The following PTPRQ variants were observed in gnomAD, a reference collection of about 807,000 sequenced individuals.
PTPRQ encodes phosphatidylinositol phosphatase PTPRQ.
In PTPRQ, 199 loss-of-function variants were observed where a neutral mutation model predicts 246.0. The ratio of observed to expected loss-of-function variants is 0.81; its 90% CI spans 0.72 to 0.91. The LOEUF (loss-of-function observed/expected upper bound fraction) is 0.91, where lower values mean the gene tolerates loss of function less well. Among genes scored for constraint, PTPRQ ranks in the 40% least tolerant of loss-of-function variants. The pLI, the probability that PTPRQ is intolerant of heterozygous loss-of-function variation, is 0.00. For synonymous variants in PTPRQ, 869 were observed against 853.2 expected (o/e 1.02, Z -0.32); for missense variants, 2,624 against 2,528.4 (o/e 1.04, Z -0.81).
intron 25 of PTPRQ, among the ~76,000 whole-genome samples, chr12:80,556,765 G>GTAGT (rs1385750454): frequency 6.6e-6 from 1 of 152,162 alleles, no homozygotes; most frequent in Admixed American, 6.5e-5. Flanking sequence ...AGTGAGAATA[G>GTAGT]TAGTTAGAGG....
Position 80,554,077 on chromosome 12 carries a change from C to G in PTPRQ, c.4285+4343C>G, listed in dbSNP as rs1399236951. 3.7e-5 allele frequency among the ~76,000 whole-genome samples: 5 copies of G among 133,582 alleles called. No individual in the cohort carries two copies. In the East Asian group the frequency reaches 6.3e-4, roughly 17 times the overall value. 87.6% of individuals were successfully genotyped at this position (133,582 alleles called of 152,430 possible). On this transcript the variant is annotated intron_variant, in intron 25 of 44. Coordinates refer to ENST00000644991, the MANE Select transcript of PTPRQ (RefSeq NM_001145026.2). ...CAGAGCCTGGAAAAGGTAGGAGGGG[C>G]AGGGGGGGTAGGAAAAGCGGGGATG...
At chr12:80,581,384 C>G (rs1897430388) in intron 25 of PTPRQ, among the ~76,000 whole-genome samples, 1 of 152,120 alleles carries the variant, frequency 6.6e-6, no homozygotes, top group African/African-American at 2.4e-5. Flanking sequence ...GCTTGTGATC[C>G]TAGCACTTTG....
rs1350259280 is a variant in PTPRQ at position 80,484,385 on chromosome 12, A to G, written c.1187-48A>G. The G allele has an allele frequency of 1.1e-5, 16 of 1,418,518 alleles. No homozygotes were observed. The Admixed American group carries it at 1.3e-4, about 12-fold the overall frequency. The allele number at this position is 1,418,518 out of a possible 1,614,324, so 87.9% of individuals were successfully genotyped here. ...TTAGGCACTTTTTTCACTTGAAAAA[A>G]TATTTTTAATTTCCCCCTTTTCTTT... On this transcript the variant is annotated intron_variant, in intron 8 of 44. Coordinates refer to ENST00000644991, the MANE Select transcript of PTPRQ (RefSeq NM_001145026.2).
intron 9 of PTPRQ, among the ~76,000 whole-genome samples, chr12:80,493,040 A>C (rs1894498013): frequency 6.6e-6 from 1 of 151,990 alleles, no homozygotes; most frequent in Non-Finnish European, 1.5e-5. Context: ...GTTTCTTCCC[A>C]AAATACAGTA....
chr12:80,647,996 C>A (rs1293377297), intron 35 of PTPRQ, among the ~76,000 whole-genome samples: 3 of 152,104 alleles, frequency 2.0e-5, no homozygotes, highest in Non-Finnish European at 4.4e-5. Flanking sequence ...AATATACTTC[C>A]TTTTAAATCC....
chr12:80,584,626 C>T (rs1336463472), intron 25 of PTPRQ, among the ~76,000 whole-genome samples: 1 of 152,106 alleles, frequency 6.6e-6, no homozygotes, highest in Non-Finnish European at 1.5e-5. Context: ...GAATTACAAG[C>T]TGCAATTAAA....
chr12:80,473,040 C>CAT (rs1893694105), intron 8 of PTPRQ, among the ~76,000 whole-genome samples: 1 of 65,334 alleles, frequency 1.5e-5, no homozygotes, highest in Admixed American at 1.5e-4. Context: ...CACACACTCA[C>CAT]ACACACGCAC....
chr12:80,567,660 A>G (rs1434647550), intron 25 of PTPRQ, among the ~76,000 whole-genome samples: 1 of 152,174 alleles, frequency 6.6e-6, no homozygotes, highest in African/African-American at 2.4e-5. Flanking sequence ...GTCATTTTCC[A>G]TCACATGAAT....
At chr12:80,624,695 G>C (rs1565825904) in intron 33 of PTPRQ, among the ~76,000 whole-genome samples, 1 of 152,152 alleles carries the variant, frequency 6.6e-6, no homozygotes, top group Non-Finnish European at 1.5e-5. Flanking sequence ...TGAGTGTCGT[G>C]GTTCTATGGA....
intron 17 of PTPRQ, among the ~76,000 whole-genome samples, chr12:80,525,020 G>T (rs1895639421): frequency 1.3e-5 from 2 of 152,084 alleles, no homozygotes; most frequent in Admixed American, 1.3e-4. Flanking sequence ...AACTCATGTG[G>T]GATATTTCTA....
intron 23 of PTPRQ, among the ~76,000 whole-genome samples, chr12:80,543,135 A>G (rs951155759): frequency 2.0e-5 from 3 of 152,102 alleles, no homozygotes; most frequent in Admixed American, 6.6e-5. Flanking sequence ...AAACAGTTGC[A>G]TCATTTTGTT....
intron 17 of PTPRQ, among the ~76,000 whole-genome samples, chr12:80,516,668 A>T (rs371494910): frequency 6.6e-6 from 1 of 152,234 alleles, no homozygotes; most frequent in East Asian, 1.9e-4. Flanking sequence ...ATCCTAAAAA[A>T]GTATACCTAC....
chr12:80,521,213 T>G (rs1895472436), intron 17 of PTPRQ, among the ~76,000 whole-genome samples: 1 of 152,004 alleles, frequency 6.6e-6, no homozygotes, highest in African/African-American at 2.4e-5. Flanking sequence ...GGGTTGTTTG[T>G]TTTTTTCTTG....
At chr12:80,674,193 A>G (rs1901062641) in intron 43 of PTPRQ, among the ~76,000 whole-genome samples, 1 of 152,144 alleles carries the variant, frequency 6.6e-6, no homozygotes, top group South Asian at 2.1e-4. Flanking sequence ...TTACACAAAT[A>G]GAGATTCTCT....
At chr12:80,527,864 T>C (rs1471550252) in intron 17 of PTPRQ, among the ~76,000 whole-genome samples, 2 of 152,248 alleles carry the variant, frequency 1.3e-5, no homozygotes, top group Non-Finnish European at 2.9e-5. Context: ...GAGGCCAAGG[T>C]GGGCAGATGG....
chr12:80,529,009 A>T (rs916369753), intron 17 of PTPRQ, among the ~76,000 whole-genome samples: 3 of 152,202 alleles, frequency 2.0e-5, no homozygotes, highest in African/African-American at 4.8e-5. Context: ...CAACAAATGA[A>T]TACCTTGCTT....
intron 16 of PTPRQ, 143 bp downstream of exon 16, chr12:80,506,813 C>A: frequency 1.7e-6 from 1 of 579,270 alleles, no homozygotes; most frequent in Non-Finnish European, 2.7e-6. Context: ...ATTTCATTGT[C>A]ATGGTATAAA....
At chr12:80,568,878 C>T (rs1897056117) in intron 25 of PTPRQ, among the ~76,000 whole-genome samples, 1 of 152,160 alleles carries the variant, frequency 6.6e-6, no homozygotes. Flanking sequence ...GAGCTAGAAG[C>T]AAAGTTTTCA....
At chr12:80,497,012 G>T (rs977686388) in intron 14 of PTPRQ, among the ~76,000 whole-genome samples, 1 of 151,860 alleles carries the variant, frequency 6.6e-6, no homozygotes, top group African/African-American at 2.4e-5. Context: ...TGGGCAGAAG[G>T]ATGTTATAGA....
Sources: gnomAD v4.1 joint callset for allele counts (sites outside exome capture counted in the v4.1 genomes callset) on GRCh38, gnomAD v4.1.1 for gene constraint, MANE v1.5 for transcripts, NCBI Gene and HGNC (gene_info 2026-07-23, HGNC 2026-07-21) for gene names.